The following ADGRL2 variants were observed in gnomAD, a reference collection of about 807,000 sequenced individuals.
The protein encoded by ADGRL2 is calcium-independent alpha-latrotoxin receptor 2.
A neutral mutation model predicts 157.4 loss-of-function variants in ADGRL2; 44 were observed. That is an observed-to-expected ratio of 0.28 (90% CI 0.22 to 0.36). The LOEUF (loss-of-function observed/expected upper bound fraction) is 0.36, where lower values mean the gene tolerates loss of function less well. ADGRL2 is among the 10% of genes least tolerant of loss of function. The pLI is 1.00. For missense variants in ADGRL2, 1,510 were observed against 1,768.9 expected, an observed-to-expected ratio of 0.85 and a Z score of 2.63; for synonymous variants, 585 against 624.7, an observed-to-expected ratio of 0.94 and a Z score of 0.95.
chr1:81,797,509 T>C (rs1287706565), upstream of ADGRL2, among the ~76,000 whole-genome samples: 1 of 152,170 alleles, frequency 6.6e-6, no homozygotes, highest in African/African-American at 2.4e-5. Flanking sequence ...GTCTTAGCTA[T>C]AGCCATTGGC....
chr1:81,373,479 C>G (rs2076194687), intron 1 of ADGRL2, among the ~76,000 whole-genome samples: 1 of 152,154 alleles, frequency 6.6e-6, no homozygotes, highest in Non-Finnish European at 1.5e-5. Flanking sequence ...GGAACAATTA[C>G]AAAACTCCTG....
chr1:81,354,343 C>A (rs1266037697), intron 1 of ADGRL2, among the ~76,000 whole-genome samples: 3 of 152,180 alleles, frequency 2.0e-5, no homozygotes, highest in East Asian at 3.8e-4. Context: ...AGCCAGAATT[C>A]CTAATCGGAT....
At chr1:81,502,272 C>T in intron 2 of ADGRL2, 2 of 1,613,748 alleles carry the variant, frequency 1.2e-6, no homozygotes, top group South Asian at 1.1e-5. Context: ...GCTTCCAAGG[C>T]CTCATCTTCT....
At chr1:81,545,059 CT>C (rs1349904742) in intron 2 of ADGRL2, among the ~76,000 whole-genome samples, 1 of 152,048 alleles carries the variant, frequency 6.6e-6, no homozygotes, top group African/African-American at 2.4e-5. Flanking sequence ...TTCTGGTCTT[CT>C]TACACACTCT....
chr1:81,436,970 G>T (rs12023360), intron 1 of ADGRL2, among the ~76,000 whole-genome samples: 2 of 152,114 alleles, frequency 1.3e-5, no homozygotes, highest in Non-Finnish European at 2.9e-5. Context: ...CACTCCTTAC[G>T]ATAGTAAATC....
intron 3 of ADGRL2, among the ~76,000 whole-genome samples, chr1:81,663,180 C>G (rs779152084): frequency 6.6e-6 from 1 of 151,788 alleles, no homozygotes; most frequent in East Asian, 1.9e-4. Flanking sequence ...GTCTTTAACC[C>G]TCTCATCAAA....
At chr1:81,966,034 T>G in intron 11 of ADGRL2, 24 bp from the exon 12 acceptor site, 1 of 1,610,464 alleles carries the variant, frequency 6.2e-7, no homozygotes, top group South Asian at 1.1e-5. Context: ...TTTCCCCACC[T>G]CCTTTATCTT....
chr1:81,367,856 C>T (rs1431456671), intron 1 of ADGRL2, among the ~76,000 whole-genome samples: 1 of 152,106 alleles, frequency 6.6e-6, no homozygotes, highest in Admixed American at 6.5e-5. Context: ...CCAGCCTGAT[C>T]TCATTCCTTT....
intron 1 of ADGRL2, among the ~76,000 whole-genome samples, chr1:81,760,192 G>A (rs901558244): frequency 1.3e-5 from 2 of 152,030 alleles, no homozygotes; most frequent in Non-Finnish European, 2.9e-5. Flanking sequence ...ATTGTTAGAG[G>A]TGTTATCAGA....
intron 2 of ADGRL2, among the ~76,000 whole-genome samples, chr1:81,877,881 T>C (rs377550435): frequency 6.6e-6 from 1 of 152,124 alleles, no homozygotes; most frequent in Non-Finnish European, 1.5e-5. Flanking sequence ...TACCAGGTGT[T>C]AATCATAAGT....
At chr1:81,597,737 C>T (rs952836493) in intron 3 of ADGRL2, among the ~76,000 whole-genome samples, 7 of 152,172 alleles carry the variant, frequency 4.6e-5, no homozygotes, top group Non-Finnish European at 7.3e-5. Flanking sequence ...AAATGCATTT[C>T]ATACCCCCAA....
intron 2 of ADGRL2, among the ~76,000 whole-genome samples, chr1:81,450,500 A>G (rs887203377): frequency 1.3e-5 from 2 of 152,274 alleles, no homozygotes; most frequent in African/African-American, 4.8e-5. Context: ...AGCAAGTGGC[A>G]GAGCCAGGAT....
chr1:81,389,894 A>G (rs1358400098), intron 1 of ADGRL2, among the ~76,000 whole-genome samples: 3 of 152,172 alleles, frequency 2.0e-5, no homozygotes, highest in Non-Finnish European at 4.4e-5. Context: ...AAAGAGAGAA[A>G]GAAGCTATAT....
intron 6 of ADGRL2, among the ~76,000 whole-genome samples, chr1:81,945,697 G>A (rs1649591289): frequency 6.6e-6 from 1 of 151,946 alleles, no homozygotes; most frequent in African/African-American, 2.4e-5. Context: ...GAGAAGCTTC[G>A]GCAGATGTAG....
At chr1:81,504,292 G>C (rs1285147286) in intron 2 of ADGRL2, among the ~76,000 whole-genome samples, 1 of 151,668 alleles carries the variant, frequency 6.6e-6, no homozygotes, top group Non-Finnish European at 1.5e-5. Flanking sequence ...GCCCTCCCCA[G>C]TCCTCCCCAG....
intron 1 of ADGRL2, among the ~76,000 whole-genome samples, chr1:81,419,090 G>C (rs1047053564): frequency 6.6e-6 from 1 of 152,178 alleles, no homozygotes; most frequent in African/African-American, 2.4e-5. Context: ...GTAGGTGAAG[G>C]AACTTTCTAT....
At chr1:81,706,923 C>T (rs1265034986) in intron 1 of ADGRL2, among the ~76,000 whole-genome samples, 1 of 152,066 alleles carries the variant, frequency 6.6e-6, no homozygotes, top group Non-Finnish European at 1.5e-5. Flanking sequence ...GTGATAAGGA[C>T]TTACCAAATG....
intron 2 of ADGRL2, among the ~76,000 whole-genome samples, chr1:81,559,970 T>C (rs2080403351): frequency 6.6e-6 from 1 of 152,226 alleles, no homozygotes. Flanking sequence ...CAATAGCAGC[T>C]AAATGTCTTC....
intron 2 of ADGRL2, among the ~76,000 whole-genome samples, chr1:81,888,576 C>CT (rs147576203): frequency 0.033 from 4,954 of 152,170 alleles, 125 homozygotes; most frequent in African/African-American, 0.069. Flanking sequence ...GTAGCTAGGA[C>CT]TACAGGCGCC....
Sources: gnomAD v4.1 joint callset for allele counts (sites outside exome capture counted in the v4.1 genomes callset) on GRCh38, gnomAD v4.1.1 for gene constraint, MANE v1.5 for transcripts, NCBI Gene and HGNC (gene_info 2026-07-23, HGNC 2026-07-21) for gene names.